PARVA: variants seen among roughly 807,000 people sequenced by gnomAD.
PARVA encodes the protein parvin alpha.
Under a neutral mutation model 52.6 loss-of-function variants are expected in PARVA, and 25 were observed. The ratio of observed to expected loss-of-function variants is 0.48; its 90% confidence interval spans 0.35 to 0.66. The LOEUF (loss-of-function observed/expected upper bound fraction) is 0.66. Ranked by LOEUF, PARVA falls within the 30% of genes least tolerant of loss-of-function variation. The pLI is 0.01. For synonymous variants in PARVA, 185 were observed against 179.1 expected, an observed-to-expected ratio of 1.03 and a Z score of -0.26; for missense variants, 373 against 450.9, an observed-to-expected ratio of 0.83 and a Z score of 1.56.
intron 7 of PARVA, among the ~76,000 whole-genome samples, chr11:12,511,305 TG>T (rs1429914857): frequency 1.2e-4 from 18 of 151,630 alleles, no homozygotes; most frequent in African/African-American, 2.2e-4. Flanking sequence ...GGAAAATGGG[TG>T]GTAATGTGGT....
chr11:12,395,091 CAAAAA>C (rs901391955), intron 1 of PARVA, among the ~76,000 whole-genome samples: 6 of 54,904 alleles, frequency 1.1e-4, no homozygotes, highest in Admixed American at 2.0e-4. Context: ...AACTCCATCT[CAAAAA>C]AAAAAAAAAA....
At chr11:12,414,666 C>G (rs1940039847) in intron 1 of PARVA, among the ~76,000 whole-genome samples, 1 of 147,600 alleles carries the variant, frequency 6.8e-6, no homozygotes, top group Admixed American at 6.8e-5. Flanking sequence ...TAAGTTTGTG[C>G]TTGGAAAGTG....
At chr11:12,412,297 T>C (rs1203693450) in intron 1 of PARVA, among the ~76,000 whole-genome samples, 4 of 152,218 alleles carry the variant, frequency 2.6e-5, no homozygotes, top group African/African-American at 9.7e-5. Context: ...TAGAGAAAGG[T>C]GCCATTTCTA....
rs1011358048 is a variant in PARVA at position 12,529,964 on chromosome 11, T to C, written c.*2039T>C. ...GTAGCAAATCAAGATAAATAATTGCTTCATTTTCTTGAGCAATACTGAAGC... is the reference window on the plus strand; with the variant it reads ...GTAGCAAATCAAGATAAATAATTGCCTCATTTTCTTGAGCAATACTGAAGC... On this transcript the variant is annotated 3_prime_UTR_variant, in exon 13 of 13. Transcript: ENST00000334956. 6.6e-6 allele frequency: 1 copy of C among 152,240 alleles called. No homozygotes were observed. Among genetic ancestry groups the C allele is most frequent in the African/African-American group, 2.4e-5 (1 of 41,464 alleles). The allele number at this position is 152,240 out of a possible 1,614,324, so 9.4% of individuals were successfully genotyped here.
chr11:12,389,026 A>G (rs1349631884), intron 1 of PARVA, among the ~76,000 whole-genome samples: 1 of 152,144 alleles, frequency 6.6e-6, no homozygotes, highest in African/African-American at 2.4e-5. Flanking sequence ...AATGATTGCC[A>G]TTAATCATTA....
At chr11:12,382,602 CTA>C (rs1236240172) in intron 1 of PARVA, among the ~76,000 whole-genome samples, 1 of 152,064 alleles carries the variant, frequency 6.6e-6, no homozygotes, top group Admixed American at 6.6e-5. Flanking sequence ...CATAGAATGA[CTA>C]TGAGTCTCAT....
chr11:12,436,364 A>G (rs1231018987), intron 1 of PARVA, among the ~76,000 whole-genome samples: 1 of 152,180 alleles, frequency 6.6e-6, no homozygotes, highest in African/African-American at 2.4e-5. Context: ...CTGGTCTCAG[A>G]CTACGGAAAC....
intron 4 of PARVA, among the ~76,000 whole-genome samples, chr11:12,482,927 G>A (rs988132172): frequency 9.9e-5 from 15 of 152,240 alleles, no homozygotes; most frequent in African/African-American, 3.6e-4. Context: ...CTTCTTGGCA[G>A]AGAGTTGTAT....
chr11:12,450,952 A>C (rs186450676), intron 1 of PARVA, among the ~76,000 whole-genome samples: 180 of 152,232 alleles, frequency 1.2e-3, no homozygotes, highest in African/African-American at 4.2e-3. Context: ...CACTAACTCA[A>C]AATGTTAATC....
chr11:12,443,108 G>A (rs560810709), intron 1 of PARVA, among the ~76,000 whole-genome samples: 98 of 144,572 alleles, frequency 6.8e-4, no homozygotes, highest in African/African-American at 2.3e-3. Flanking sequence ...TGATCCGCCC[G>A]CCTGGGCCTC....
intron 12 of PARVA, among the ~76,000 whole-genome samples, chr11:12,519,397 T>C (rs559346039): frequency 6.6e-6 from 1 of 152,178 alleles, no homozygotes. Flanking sequence ...TAGACCATGA[T>C]ATAACAAGAG....
chr11:12,513,360 G>A lies in PARVA; in HGVS notation c.798G>A (p.Lys266=), dbSNP rs1372639894. The A allele has an allele frequency of 6.2e-7, 1 of 1,613,542 alleles. No individual in the cohort carries two copies. Among genetic ancestry groups the A allele is most frequent in the Non-Finnish European group, 8.5e-7 (1 of 1,179,458 alleles). Residue 266 remains lysine, a splice_region_variant and synonymous_variant, in exon 9 of 13, where the codon AAG becomes AAA. Coordinates refer to ENST00000334956, the MANE Select transcript of PARVA (RefSeq NM_018222.5). ...HAPDKLNVVK[K]TLITFVNKHL... is the part of the protein sequence containing the mutation. ...CAGACAAGCTGAATGTGGTGAAAAA[G>A]GTGGGAAAGGGGTGCCTGGGATGGA...
chr11:12,513,219 G>A (rs750468990), intron 8 of PARVA, 80 bp from the exon 9 acceptor site: 38 of 1,158,444 alleles, frequency 3.3e-5, no homozygotes, highest in Non-Finnish European at 3.8e-5. Context: ...CTTGAGAGGC[G>A]CGTGGCTCTG....
chr11:12,404,519 G>T (rs1002133476), intron 1 of PARVA, among the ~76,000 whole-genome samples: 2 of 152,272 alleles, frequency 1.3e-5, no homozygotes, highest in Non-Finnish European at 2.9e-5. Flanking sequence ...ATTTGAAGTT[G>T]CTGGCAGAAG....
intron 7 of PARVA, 139 bp from the exon 8 acceptor site, chr11:12,511,375 A>G: frequency 2.5e-6 from 2 of 806,166 alleles, no homozygotes; most frequent in Non-Finnish European, 4.1e-6. Flanking sequence ...AGGCTTTTTG[A>G]GCTCCTCAAC....
At chr11:12,477,799 C>A in intron 3 of PARVA, 48 bp from the exon 4 acceptor site, 2 of 956,424 alleles carry the variant, frequency 2.1e-6, no homozygotes, top group Non-Finnish European at 3.4e-6. Flanking sequence ...GAAAATACCC[C>A]ATAACTCTTT....
chr11:12,430,176 T>C (rs1307047766), intron 1 of PARVA, among the ~76,000 whole-genome samples: 2 of 152,218 alleles, frequency 1.3e-5, no homozygotes, highest in African/African-American at 4.8e-5. Flanking sequence ...GAACATGGAA[T>C]TGGGAAGAGC....
intron 10 of PARVA, among the ~76,000 whole-genome samples, 171 bp from the exon 11 acceptor site, chr11:12,517,439 C>T (rs1054272530): frequency 6.6e-6 from 1 of 152,038 alleles, no homozygotes; most frequent in Admixed American, 6.6e-5. Context: ...GCCAGCCAGA[C>T]GTGGGGCAGA....
chr11:12,430,469 C>T (rs147846818), intron 1 of PARVA, among the ~76,000 whole-genome samples: 7 of 152,260 alleles, frequency 4.6e-5, no homozygotes, highest in Non-Finnish European at 8.8e-5. Flanking sequence ...TGAGTGAGTA[C>T]CTTTCGTCAC....
Sources: allele counts gnomAD v4.1 joint callset (sites outside exome capture counted in the v4.1 genomes callset), GRCh38; gene constraint gnomAD v4.1.1; transcripts MANE v1.5; gene names NCBI Gene and HGNC (gene_info 2026-07-23, HGNC 2026-07-21).